The following TFB1M variants were observed in gnomAD, a reference collection of about 807,000 sequenced individuals.
The protein encoded by TFB1M is dimethyladenosine transferase 1, mitochondrial.
Under a neutral mutation model 31.1 loss-of-function variants are expected in TFB1M, and 27 were observed. That is an observed-to-expected ratio of 0.87 (90% CI 0.64 to 1.20). The LOEUF is 1.20. TFB1M is among the 50% of genes most tolerant of loss of function. The probability of loss-of-function intolerance (pLI) is 0.00; values close to 1 mark genes in which losing one functional copy is unlikely to be tolerated. For synonymous variants in TFB1M, 166 were observed against 151.8 expected (o/e 1.09, Z -0.69); for missense variants, 394 against 418.7 (o/e 0.94, Z 0.51).
chr6:155,254,321 T>G (rs1583294357), downstream of TFB1M: 1 of 1,492,694 alleles, frequency 6.7e-7, no homozygotes, highest in Admixed American at 1.9e-5. Flanking sequence ...GGCAGCCTGG[T>G]CCAGCAGGTG....
chr6:155,260,627 C>T, intron 5 of TFB1M: 1 of 598,368 alleles, frequency 1.7e-6, no homozygotes, highest in East Asian at 3.0e-5. Context: ...TAATGACATC[C>T]ACCAGACCTG....
intron 4 of TFB1M, among the ~76,000 whole-genome samples, chr6:155,291,646 G>A (rs113152785): frequency 0.012 from 1,865 of 152,280 alleles, 34 homozygotes; most frequent in Non-Finnish European, 0.015. Flanking sequence ...GTGGTTCTTC[G>A]CTGTGGGAGG....
intron 5 of TFB1M, among the ~76,000 whole-genome samples, chr6:155,263,069 T>C (rs1583310240): frequency 6.6e-6 from 1 of 152,318 alleles, no homozygotes; most frequent in Admixed American, 6.5e-5. Context: ...TTATGTCTCC[T>C]GCTTCTGGGA....
intron 5 of TFB1M, among the ~76,000 whole-genome samples, chr6:155,278,153 G>C (rs1785307967): frequency 6.6e-6 from 1 of 152,066 alleles, no homozygotes; most frequent in Non-Finnish European, 1.5e-5. Flanking sequence ...CTATCCCGCT[G>C]TGTTCATTCC....
downstream of TFB1M, chr6:155,254,874 C>T (rs977392276): frequency 1.4e-5 from 4 of 291,114 alleles, no homozygotes; most frequent in African/African-American, 6.3e-5. Flanking sequence ...GCTGTATTCC[C>T]AGTGCTCAGA....
the TFB1M span, among the ~76,000 whole-genome samples, chr6:155,235,808 C>A: frequency 1.3e-5 from 2 of 152,150 alleles, no homozygotes; most frequent in Non-Finnish European, 2.9e-5. Context: ...CAGAAAAGTT[C>A]ATAAAGTGAA....
intron 4 of TFB1M, among the ~76,000 whole-genome samples, chr6:155,286,529 A>G (rs1776647161): frequency 7.0e-6 from 1 of 143,066 alleles, no homozygotes; most frequent in South Asian, 2.1e-4. Flanking sequence ...ATATATGTAT[A>G]TATATACATG....
At chr6:155,264,930 C>T (rs73792819) in intron 5 of TFB1M, among the ~76,000 whole-genome samples, 2,249 of 152,230 alleles carry the variant, frequency 0.015, 53 homozygotes, top group African/African-American at 0.049. Context: ...GGGAGATGCA[C>T]GTGTAATCCT....
At chr6:155,271,522 T>C (rs1784913757) in intron 5 of TFB1M, among the ~76,000 whole-genome samples, 1 of 152,238 alleles carries the variant, frequency 6.6e-6, no homozygotes. Flanking sequence ...AAGTTGTTGC[T>C]GGGTTTTCTT....
the TFB1M span, chr6:155,250,854 A>G: frequency 2.3e-4 from 355 of 1,534,142 alleles, 1 homozygote; most frequent in African/African-American, 4.0e-3. Flanking sequence ...ACTATCTAAC[A>G]AGAGATCATC....
the TFB1M span, among the ~76,000 whole-genome samples, chr6:155,235,859 T>G: frequency 6.6e-6 from 1 of 152,228 alleles, no homozygotes; most frequent in Non-Finnish European, 1.5e-5. Context: ...ATTTGTAAGA[T>G]CTCGTTACTT....
intron 5 of TFB1M, among the ~76,000 whole-genome samples, chr6:155,279,673 C>CACT (rs1458659838): frequency 7.2e-5 from 11 of 152,168 alleles, no homozygotes; most frequent in Admixed American, 6.5e-5. Context: ...TTCTGCAGAA[C>CACT]ACTATCACAT....
the TFB1M span, chr6:155,240,816 C>T: frequency 5.2e-6 from 6 of 1,150,872 alleles, no homozygotes; most frequent in East Asian, 1.5e-4. Flanking sequence ...TGCCACTCCC[C>T]AGGGGGGGAC....
the TFB1M span, among the ~76,000 whole-genome samples, chr6:155,239,106 A>G: frequency 6.6e-6 from 1 of 152,212 alleles, no homozygotes; most frequent in African/African-American, 2.4e-5. Context: ...GCTTTCTGCA[A>G]TATCCAAGGA....
chr6:155,299,286 GA>G (rs1026227348), intron 2 of TFB1M, among the ~76,000 whole-genome samples: 13 of 151,978 alleles, frequency 8.6e-5, no homozygotes, highest in African/African-American at 3.1e-4. Flanking sequence ...GCAAAAAGGG[GA>G]AAAAAAGCAC....
At chr6:155,239,319 T>G in the TFB1M span, among the ~76,000 whole-genome samples, 1 of 152,188 alleles carries the variant, frequency 6.6e-6, no homozygotes, top group African/African-American at 2.4e-5. Context: ...AGTAAGAATT[T>G]CAGTGCAGCA....
At chr6:155,306,511 A>T (rs939138421) in intron 2 of TFB1M, among the ~76,000 whole-genome samples, 1 of 152,220 alleles carries the variant, frequency 6.6e-6, no homozygotes, top group Non-Finnish European at 1.5e-5. Context: ...CAAATTTGGT[A>T]TATTCAGAAA....
intron 6 of TFB1M, among the ~76,000 whole-genome samples, chr6:155,258,396 A>ACAT (rs1385677872): frequency 2.6e-5 from 4 of 152,224 alleles, no homozygotes; most frequent in Non-Finnish European, 5.9e-5. Flanking sequence ...TCTTGTAGAA[A>ACAT]CATAAGCTTG....
the TFB1M span, among the ~76,000 whole-genome samples, chr6:155,243,400 G>A: frequency 6.6e-6 from 1 of 152,314 alleles, no homozygotes; most frequent in Admixed American, 6.5e-5. Context: ...CCCTGCTGCA[G>A]TGGCCTGAAG....
Sources: allele counts gnomAD v4.1 joint callset (sites outside exome capture counted in the v4.1 genomes callset), GRCh38; gene constraint gnomAD v4.1.1; transcripts MANE v1.5; gene names NCBI Gene and HGNC (gene_info 2026-07-23, HGNC 2026-07-21).